SEMA3C: variants seen among roughly 807,000 people sequenced by gnomAD.
SEMA3C encodes the protein semaphorin 3C.
SEMA3C carries 47 observed loss-of-function variants against 89.4 expected under a neutral mutation model. That is an observed-to-expected ratio of 0.53 (90% CI 0.42 to 0.67). The LOEUF (loss-of-function observed/expected upper bound fraction) is 0.67, where lower values mean the gene tolerates loss of function less well. SEMA3C is among the 30% of genes least tolerant of loss of function. The pLI, the probability that SEMA3C is intolerant of heterozygous loss-of-function variation, is 0.00. For synonymous variants in SEMA3C, 310 were observed against 320.2 expected, an observed-to-expected ratio of 0.97 and a Z score of 0.34; for missense variants, 839 against 929.1, an observed-to-expected ratio of 0.90 and a Z score of 1.26.
chr7:80,747,085 ATAAG>A (rs1288611038), intron 17 of SEMA3C, among the ~76,000 whole-genome samples: 1 of 152,184 alleles, frequency 6.6e-6, no homozygotes, highest in Non-Finnish European at 1.5e-5. Context: ...TAGCTTAAAA[ATAAG>A]TAAAATTGTG....
At chr7:80,822,069 T>C (rs1017791516) in intron 4 of SEMA3C, among the ~76,000 whole-genome samples, 24 of 152,210 alleles carry the variant, frequency 1.6e-4, no homozygotes, top group Non-Finnish European at 2.5e-4. Flanking sequence ...ACTACTGCAA[T>C]AGTGTCAATT....
intron 2 of SEMA3C, among the ~76,000 whole-genome samples, chr7:80,886,159 C>T (rs564481247): frequency 6.6e-6 from 1 of 152,060 alleles, no homozygotes; most frequent in Admixed American, 6.6e-5. Context: ...ATAGAAAAGA[C>T]CAATCAGCAA....
intron 2 of SEMA3C, among the ~76,000 whole-genome samples, chr7:80,913,183 C>A (rs1792192765): frequency 6.6e-6 from 1 of 152,106 alleles, no homozygotes; most frequent in South Asian, 2.1e-4. Flanking sequence ...GGCGGATCAC[C>A]TGAAGTCAGG....
intron 4 of SEMA3C, among the ~76,000 whole-genome samples, chr7:80,823,593 A>G (rs1789803901): frequency 6.6e-6 from 1 of 152,062 alleles, no homozygotes; most frequent in African/African-American, 2.4e-5. Flanking sequence ...TGATCTAGGG[A>G]AATGAATCAA....
intron 11 of SEMA3C, chr7:80,793,589 T>C: frequency 2.6e-6 from 1 of 389,090 alleles, no homozygotes; most frequent in Non-Finnish European, 5.0e-6. Context: ...TCAATTTTGG[T>C]TTAGGATCAA....
At chr7:80,779,510 G>A (rs150725883) in intron 12 of SEMA3C, among the ~76,000 whole-genome samples, 82 of 152,032 alleles carry the variant, frequency 5.4e-4, no homozygotes, top group African/African-American at 1.9e-3. Flanking sequence ...CTTTTAGATC[G>A]GATAATGTCA....
At chr7:80,778,104 A>G (rs1031296336) in intron 12 of SEMA3C, among the ~76,000 whole-genome samples, 3 of 152,200 alleles carry the variant, frequency 2.0e-5, no homozygotes, top group African/African-American at 7.2e-5. Flanking sequence ...CTCAAGTGAT[A>G]ATCCATCAAA....
At chr7:80,771,924 T>C (rs994152890) in intron 12 of SEMA3C, among the ~76,000 whole-genome samples, 1 of 152,114 alleles carries the variant, frequency 6.6e-6, no homozygotes, top group African/African-American at 2.4e-5. Flanking sequence ...GTACACGATA[T>C]TAGGGGTAAA....
At chr7:80,827,321 A>G (rs997358548) in intron 4 of SEMA3C, 104 bp downstream of exon 4, 34 of 1,217,570 alleles carry the variant, frequency 2.8e-5, no homozygotes, top group Non-Finnish European at 3.2e-5. Context: ...AATTTAAAAC[A>G]CCACCATCCT....
At chr7:80,919,150 G>A, upstream of SEMA3C, 1 of 984,666 alleles carries the variant, frequency 1.0e-6, no homozygotes, top group Non-Finnish European at 1.2e-6. Flanking sequence ...CGCCCTGCAG[G>A]CTCGCATCAC....
intron 12 of SEMA3C, among the ~76,000 whole-genome samples, chr7:80,778,814 T>A (rs952795147): frequency 3.3e-5 from 5 of 152,174 alleles, no homozygotes; most frequent in African/African-American, 1.2e-4. Context: ...GACCACCGCA[T>A]CTTCCTTCCT....
In SEMA3C at chr7:80,744,942, G is replaced by T. The variant is rs760339808; in HGVS notation, c.2208C>A (p.Ile736=). Residue 736 remains isoleucine (I), a synonymous_variant, in exon 18 of 18, where the codon ATC becomes ATA. Coordinates refer to ENST00000265361, the MANE Select transcript of SEMA3C (RefSeq NM_006379.5). ...RGDYGKLKAL[I]NSRKSRNRRN... ...TCCTGTTTCTACTTTTCCGACTATT[G>T]ATGAGGGCCTTTAACTTGCCATAGT... 1 of 1,614,034 alleles carries T rather than the reference G, an allele frequency of 6.2e-7. No individual in the cohort carries two copies. Among genetic ancestry groups the T allele is most frequent in the Non-Finnish European group, 8.5e-7 (1 of 1,179,956 alleles).
intron 2 of SEMA3C, among the ~76,000 whole-genome samples, chr7:80,865,508 C>T (rs1011802325): frequency 6.6e-6 from 1 of 152,106 alleles, no homozygotes; most frequent in Non-Finnish European, 1.5e-5. Context: ...CATATCAAGT[C>T]CGGGTGCGGT....
chr7:80,784,350 A>T (rs1175250160), intron 12 of SEMA3C, among the ~76,000 whole-genome samples: 1 of 151,942 alleles, frequency 6.6e-6, no homozygotes, highest in African/African-American at 2.4e-5. Context: ...TGCTGATTTT[A>T]AAATACATTT....
chr7:80,776,849 G>A (rs1275818820), intron 12 of SEMA3C, among the ~76,000 whole-genome samples: 3 of 152,240 alleles, frequency 2.0e-5, no homozygotes, highest in African/African-American at 7.2e-5. Context: ...CTCTGTGAAA[G>A]GAGATGCTTT....
At chr7:80,879,481 A>G (rs1791283551) in intron 2 of SEMA3C, among the ~76,000 whole-genome samples, 1 of 152,170 alleles carries the variant, frequency 6.6e-6, no homozygotes, top group African/African-American at 2.4e-5. Flanking sequence ...TCCTCTCAAG[A>G]TGCTGCACAA....
At chr7:80,757,708 C>T (rs887342104) in intron 15 of SEMA3C, among the ~76,000 whole-genome samples, 5 of 152,156 alleles carry the variant, frequency 3.3e-5, no homozygotes, top group Non-Finnish European at 7.3e-5. Context: ...CGGTGGCTCA[C>T]GCCTGTAATC....
chr7:80,812,995 G>T (rs541425203), intron 5 of SEMA3C, among the ~76,000 whole-genome samples: 6 of 147,504 alleles, frequency 4.1e-5, no homozygotes, highest in Admixed American at 1.4e-4. Flanking sequence ...TAATAGAGAC[G>T]GGGCTTTCGC....
chr7:80,898,605 T>C (rs1791797318), intron 2 of SEMA3C, among the ~76,000 whole-genome samples: 1 of 152,148 alleles, frequency 6.6e-6, no homozygotes, highest in South Asian at 2.1e-4. Context: ...ACACTAGTCC[T>C]GCAGCTCACA....
Sources: allele counts gnomAD v4.1 joint callset (sites outside exome capture counted in the v4.1 genomes callset), GRCh38; gene constraint gnomAD v4.1.1; transcripts MANE v1.5; gene names NCBI Gene and HGNC (gene_info 2026-07-23, HGNC 2026-07-21).